SMAD6: variants seen among roughly 807,000 people sequenced by gnomAD.
The protein encoded by SMAD6 is MAD homolog 6.
Under a neutral mutation model 39.4 loss-of-function variants are expected in SMAD6, and 103 were observed. The observed-to-expected ratio is 2.62, with a 90% CI of 2.23 to 3.08. The LOEUF is 3.08. SMAD6 is among the 30% of genes most tolerant of loss of function. SMAD6 has a pLI of 0.00. For missense variants in SMAD6, 1,104 were observed against 742.9 expected (o/e 1.49, Z -5.65); for synonymous variants, 445 against 353.3 (o/e 1.26, Z -2.91).
At chr15:66,728,100 G>T (rs1013563813) in intron 3 of SMAD6, among the ~76,000 whole-genome samples, 4 of 152,092 alleles carry the variant, frequency 2.6e-5, no homozygotes, top group Admixed American at 6.5e-5. Context: ...TGATCCACCT[G>T]CCTTGGCCTC....
At chr15:66,727,856 C>CT (rs960284743) in intron 3 of SMAD6, among the ~76,000 whole-genome samples, 136 of 144,930 alleles carry the variant, frequency 9.4e-4, no homozygotes, top group African/African-American at 1.5e-3. Flanking sequence ...AGTGAGCATT[C>CT]TTTTTTTTTT....
chr15:66,725,342 G>A (rs1893504136), intron 3 of SMAD6, among the ~76,000 whole-genome samples: 1 of 152,164 alleles, frequency 6.6e-6, no homozygotes, highest in Admixed American at 6.5e-5. Context: ...CTCGGGGCTG[G>A]CATCTCTGCA....
intron 3 of SMAD6, among the ~76,000 whole-genome samples, chr15:66,723,595 A>T (rs957011958): frequency 3.0e-4 from 46 of 152,344 alleles, no homozygotes; most frequent in African/African-American, 1.1e-3. Flanking sequence ...ACTTGAGCTC[A>T]GGAGTTGGAG....
chr15:66,765,123 CCT>C (rs1399125510), intron 3 of SMAD6, among the ~76,000 whole-genome samples: 2 of 152,232 alleles, frequency 1.3e-5, no homozygotes, highest in East Asian at 1.9e-4. Flanking sequence ...AGCCCTCACC[CCT>C]GTTATCCCCA....
At position 66,753,654 on chromosome 15, in the gene SMAD6, C is replaced by T. The variant is rs141734689; in HGVS notation, c.953-27343C>T. On this transcript the variant is annotated intron_variant, in intron 3 of 3. Coordinates refer to ENST00000288840, the MANE Select transcript of SMAD6 (RefSeq NM_005585.5). The stretch of plus-strand genomic sequence containing the variant: ...CCTTCTGCCATGGTAGGAGGGCCAA[C>T]GGGATCTAATACTTGCTCCCCACCT... Among the ~76,000 whole-genome samples the T allele has an allele frequency of 3.9e-4, 59 of 152,318 alleles. No homozygotes were observed. In the East Asian group the frequency reaches 7.1e-3, roughly 18 times the overall value.
chr15:66,736,492 A>G (rs1209746964), intron 3 of SMAD6, among the ~76,000 whole-genome samples: 1 of 152,172 alleles, frequency 6.6e-6, no homozygotes, highest in African/African-American at 2.4e-5. Context: ...TGGGTACAGC[A>G]CTAACAAAAG....
At chr15:66,721,668 A>G (rs1157809672) in intron 3 of SMAD6, among the ~76,000 whole-genome samples, 1 of 152,208 alleles carries the variant, frequency 6.6e-6, no homozygotes, top group African/African-American at 2.4e-5. Context: ...GTTAAATGAG[A>G]TGATGCCTGT....
chr15:66,781,999 A>G lies in SMAD6; in HGVS notation c.*464A>G. ...AGTATTCGCATTATAGTTTTTTTTAAACTGTCTTCTTTTTACAAAGAGGGG... is the reference window on the plus strand; with the variant it reads ...AGTATTCGCATTATAGTTTTTTTTAGACTGTCTTCTTTTTACAAAGAGGGG... On this transcript the variant is annotated 3_prime_UTR_variant, in exon 4 of 4. Coordinates refer to ENST00000288840, the MANE Select transcript of SMAD6 (RefSeq NM_005585.5). 2.5e-6 allele frequency: 1 copy of G among 398,950 alleles called. No homozygotes were observed. The highest frequency in any genetic ancestry group is 4.4e-6 in the Non-Finnish European group (1 of 226,036). The allele number at this position is 398,950 out of a possible 1,614,324, so 24.7% of individuals were successfully genotyped here.
chr15:66,724,997 C>T (rs1441813581), intron 3 of SMAD6, among the ~76,000 whole-genome samples: 1 of 152,168 alleles, frequency 6.6e-6, no homozygotes, highest in Non-Finnish European at 1.5e-5. Flanking sequence ...CAACCATCTG[C>T]CTGCCGGGCT....
chr15:66,759,050 A>G (rs1193554381), intron 3 of SMAD6, among the ~76,000 whole-genome samples: 1 of 152,252 alleles, frequency 6.6e-6, no homozygotes, highest in African/African-American at 2.4e-5. Flanking sequence ...CTGTAGCCCG[A>G]GGACATCTAT....
At chr15:66,725,027 A>G (rs959613076) in intron 3 of SMAD6, among the ~76,000 whole-genome samples, 1 of 152,102 alleles carries the variant, frequency 6.6e-6, no homozygotes, top group South Asian at 2.1e-4. Context: ...CCCTCCTCCT[A>G]TCCCCACTGG....
chr15:66,778,869 C>T (rs1470123236), intron 3 of SMAD6, among the ~76,000 whole-genome samples: 4 of 152,326 alleles, frequency 2.6e-5, no homozygotes, highest in South Asian at 2.1e-4. Flanking sequence ...GGGCCCAGCT[C>T]GTAGAAGGCA....
At chr15:66,739,148 T>C (rs1252662598) in intron 3 of SMAD6, among the ~76,000 whole-genome samples, 1 of 149,574 alleles carries the variant, frequency 6.7e-6, no homozygotes, top group Non-Finnish European at 1.5e-5. Flanking sequence ...TGGAGTGCAA[T>C]AGTGCAGTCT....
intron 1 of SMAD6, among the ~76,000 whole-genome samples, chr15:66,710,287 G>A (rs1893202438): frequency 6.6e-6 from 1 of 152,200 alleles, no homozygotes; most frequent in African/African-American, 2.4e-5. Flanking sequence ...AAAATTGAAA[G>A]TGATTGGCAT....
intron 3 of SMAD6, among the ~76,000 whole-genome samples, chr15:66,732,336 G>T (rs1012737032): frequency 2.6e-5 from 4 of 152,022 alleles, no homozygotes; most frequent in African/African-American, 9.7e-5. Context: ...TGAAGTGTCT[G>T]TTCAAATCTT....
rs371677565 is a variant in SMAD6 at position 66,781,049 on chromosome 15, G to A, written c.1005G>A (p.Ala335=). 30 of 1,602,190 alleles carry A rather than the reference G, an allele frequency of 1.9e-5. No individual in the cohort carries two copies. Among genetic ancestry groups the A allele is most frequent in the African/African-American group, 2.7e-5 (2 of 74,930 alleles). Residue 335 remains alanine (A), a synonymous_variant, in exon 4 of 4, where the codon GCG becomes GCA. Coordinates refer to ENST00000288840, the MANE Select transcript of SMAD6 (RefSeq NM_005585.5). ...ATKPSHWCSV[A]YWEHRTRVGR... Reference sequence around the variant, plus strand: ...AGCCGAGCCACTGGTGCAGCGTGGCGTACTGGGAGCACCGGACGCGCGTGG... The same window carrying A: ...AGCCGAGCCACTGGTGCAGCGTGGCATACTGGGAGCACCGGACGCGCGTGG...
At position 66,703,471 on chromosome 15, in the gene SMAD6, A is replaced by T. The variant is rs1439809491; in HGVS notation, c.213A>T (p.Ala71=). Residue 71 remains alanine (A), a synonymous_variant, in exon 1 of 4, where the codon GCA becomes GCT. Coordinates refer to ENST00000288840, the MANE Select transcript of SMAD6 (RefSeq NM_005585.5). ...TAGCCCCGCGGCGGCCCCGGGACGC[A>T]GTGGGACAGCGAGGCGCCCAGGGCG... The part of the protein sequence containing the change: ...RPVAPRRPRD[A]VGQRGAQGAG... 8.0e-7 allele frequency: 1 copy of T among 1,246,516 alleles called. No homozygotes were observed. The highest frequency in any genetic ancestry group is 1.6e-5 in the African/African-American group (1 of 63,650). The allele number at this position is 1,246,516 out of a possible 1,614,324, so 77.2% of individuals were successfully genotyped here. A position where few individuals can be genotyped will look rare whatever the true frequency, so the allele number is the denominator to read the frequency against.
At position 66,736,859 on chromosome 15, in the gene SMAD6, G is replaced by T. The variant is rs540182374; in HGVS notation, c.952+20361G>T. 1.6e-3 allele frequency among the ~76,000 whole-genome samples: 243 copies of T among 152,168 alleles called. 1 individual carries two copies. The highest frequency in any genetic ancestry group is 5.2e-3 in the African/African-American group (214 of 41,508). On this transcript the variant is annotated intron_variant, in intron 3 of 3. Transcript: ENST00000288840. Reference sequence around the variant, plus strand: ...TAATTTTTGTATTTTTAGTAGAGACGGGGTTTCACCATGTTGGCCAGGATG... The same window carrying T: ...TAATTTTTGTATTTTTAGTAGAGACTGGGTTTCACCATGTTGGCCAGGATG...
intron 3 of SMAD6, among the ~76,000 whole-genome samples, chr15:66,742,258 T>C (rs1321141470): frequency 6.6e-6 from 1 of 152,140 alleles, no homozygotes; most frequent in Non-Finnish European, 1.5e-5. Flanking sequence ...GGAGTCAGCA[T>C]CCCCTCACCG....
Sources: gnomAD v4.1 joint callset for allele counts (sites outside exome capture counted in the v4.1 genomes callset) on GRCh38, gnomAD v4.1.1 for gene constraint, MANE v1.5 for transcripts, NCBI Gene and HGNC (gene_info 2026-07-23, HGNC 2026-07-21) for gene names.